ZBTB25: variants seen among roughly 807,000 people sequenced by gnomAD.
The protein encoded by ZBTB25 is zinc finger and BTB domain containing 25.
ZBTB25 carries 20 observed loss-of-function variants against 34.2 expected under a neutral mutation model. That is an observed-to-expected ratio of 0.58 (90% confidence interval 0.41 to 0.85). ZBTB25 has a LOEUF of 0.85. Among genes scored for constraint, ZBTB25 ranks in the 40% least tolerant of loss-of-function variants. The probability of loss-of-function intolerance (pLI) is 0.00; values close to 1 mark genes in which losing one functional copy is unlikely to be tolerated. For missense variants in ZBTB25, 437 were observed against 521.8 expected, an observed-to-expected ratio of 0.84 and a Z score of 1.58; for synonymous variants, 175 against 186.4, an observed-to-expected ratio of 0.94 and a Z score of 0.50.
chr14:64,490,208 CAAAAA>C (rs61367816), intron 2 of ZBTB25, among the ~76,000 whole-genome samples, 148 bp downstream of exon 2: 23 of 90,936 alleles, frequency 2.5e-4, no homozygotes, highest in East Asian at 1.6e-3. Context: ...ACTCTGTCGC[CAAAAA>C]AAAAAAAAAA....
intron 2 of ZBTB25, chr14:64,458,519 G>A (rs1183295218): frequency 3.5e-6 from 2 of 579,124 alleles, no homozygotes; most frequent in Non-Finnish European, 6.2e-6. Flanking sequence ...TGGAAGAAGC[G>A]CAGCATGGCT....
At chr14:64,488,467 C>G (rs2078960077) in intron 2 of ZBTB25, among the ~76,000 whole-genome samples, 1 of 152,066 alleles carries the variant, frequency 6.6e-6, no homozygotes, top group South Asian at 2.1e-4. Context: ...ACCTGTATGC[C>G]AATGTTCACT....
rs2079039570 is a variant in ZBTB25, at chr14:64,490,421, T to G, written c.113A>C (p.His38Pro). ...VAIGDVYFKA[H>P]RAVLAAFSNY... ...AGAAAAAGCAGCAAGCACTGCTCTG[T>G]GGGCTTTGAAGTAAACATCTCCAAT... Residue 38 changes from histidine to proline, a missense_variant, in exon 2 of 3, where the codon CAC (histidine) becomes CCC (proline). Physicochemically the swap from His to Pro is moderately conservative, Grantham distance 77 (BLOSUM62 -2). Coordinates refer to ENST00000608382, the MANE Select transcript of ZBTB25 (RefSeq NM_006977.5). 1 of 1,613,610 alleles carries G rather than the reference T, an allele frequency of 6.2e-7. No homozygotes were observed. The highest frequency in any genetic ancestry group is 1.3e-5 in the African/African-American group (1 of 74,896).
chr14:64,487,999 G>A lies in ZBTB25; in HGVS notation c.232C>T (p.His78Tyr), dbSNP rs2141023937. 1 of 1,614,074 alleles carries A rather than the reference G, an allele frequency of 6.2e-7. No homozygotes were observed. ...GGCCCTTTCCCCGTGTACATAATGT[G>A]CAACAAATAGCTGAATATGTCAGGT... ...IQPDIFSYLL[H>Y]IMYTGKGPKQ... The change falls in exon 3 of 3, where the codon CAC becomes TAC. Residue 78 changes from histidine to tyrosine, a missense_variant. Physicochemically the swap from His to Tyr is moderately conservative, Grantham distance 83 (BLOSUM62 2). Transcript: ENST00000608382.
intron 2 of ZBTB25, among the ~76,000 whole-genome samples, chr14:64,459,290 G>A (rs186803444): frequency 4.1e-4 from 62 of 152,308 alleles, no homozygotes; most frequent in African/African-American, 1.5e-3. Context: ...ATTAGCGAAG[G>A]GGCATTCTGA....
chr14:64,503,986 AG>A (rs2079589972), upstream of ZBTB25: 1 of 152,220 alleles, frequency 6.6e-6, no homozygotes, highest in East Asian at 1.9e-4. Context: ...GCGGAAGCAT[AG>A]GGACAAGCCT....
intron 1 of ZBTB25, among the ~76,000 whole-genome samples, chr14:64,501,699 T>G (rs1311743364): frequency 1.3e-5 from 2 of 152,166 alleles, no homozygotes; most frequent in African/African-American, 4.8e-5. Flanking sequence ...ATCACTTTGG[T>G]TCAGTGGTGG....
rs757366636 is a variant in ZBTB25, at chr14:64,487,723, A to C, written c.508T>G (p.Leu170Val). 4 of 1,613,856 alleles carry C rather than the reference A, an allele frequency of 2.5e-6. No individual in the cohort carries two copies. The highest frequency in any genetic ancestry group is 3.4e-6 in the Non-Finnish European group (4 of 1,179,910). Reference sequence around the variant, plus strand: ...TCATCCAGACCAATAGCAAGAGACAACTGCAACTGGGGGTGGTCACCCTGG... The same window carrying C: ...TCATCCAGACCAATAGCAAGAGACACCTGCAACTGGGGGTGGTCACCCTGG... The part of the protein sequence containing the change: ...AVQGDHPQLQ[L>V]SLAIGLDDGT... The change falls in exon 3 of 3, where the codon TTG (leucine) becomes GTG (valine). Residue 170 changes from leucine to valine, a missense_variant. Leu to Val is a conservative substitution (Grantham distance 32). Coordinates refer to ENST00000608382, the MANE Select transcript of ZBTB25 (RefSeq NM_006977.5).
rs549553882 is a variant in ZBTB25 at position 64,486,338 on chromosome 14, A to T, written c.*585T>A. ...GAGGTATACTCAATGTTAAAAAGTA[A>T]AGAGAAGCCATGTAGGTAAGATGTT... On this transcript the variant is annotated 3_prime_UTR_variant, in exon 3 of 3. Transcript: ENST00000608382. 16 of 985,332 alleles carry T rather than the reference A, an allele frequency of 1.6e-5. No homozygotes were observed. The South Asian group carries it at 7.5e-4, about 46-fold the overall frequency. The allele number at this position is 985,332 out of a possible 1,614,324, so 61.0% of individuals were successfully genotyped here. A position where few individuals can be genotyped will look rare whatever the true frequency, so the allele number is the denominator to read the frequency against.
At position 64,468,845 on chromosome 14, in the gene ZBTB25, A is replaced by G. The variant is rs573551118; in HGVS notation, c.174-19207T>C. 434 of 1,614,210 alleles carry G rather than the reference A, an allele frequency of 2.7e-4. 4 individuals are homozygous for G. In the South Asian group the frequency reaches 4.6e-3, roughly 17 times the overall value. ...CAAAATTATAGAAGACTCAGACTGC[A>G]GCATCAAAGTCCAGGAAGAAGCTGA... On this transcript the variant is annotated intron_variant, in intron 2 of 2. Transcript: ENST00000555220.
intron 2 of ZBTB25, chr14:64,458,561 T>G: frequency 3.9e-6 from 2 of 508,666 alleles, no homozygotes; most frequent in South Asian, 4.1e-5. Context: ...GGGAGAAAAC[T>G]GCTGTCCAAT....
intron 2 of ZBTB25, among the ~76,000 whole-genome samples, chr14:64,452,366 T>A (rs562131119): frequency 1.4e-4 from 21 of 152,366 alleles, no homozygotes; most frequent in African/African-American, 4.8e-4. Context: ...ATTGCCTAAT[T>A]TTTGTAATTT....
At chr14:64,476,240 G>A (rs540280842), downstream of ZBTB25, among the ~76,000 whole-genome samples, 3 of 152,208 alleles carry the variant, frequency 2.0e-5, no homozygotes, top group African/African-American at 7.2e-5. Flanking sequence ...AAATTACAAC[G>A]CAAAGGTTCC....
downstream of ZBTB25, among the ~76,000 whole-genome samples, chr14:64,475,499 T>A (rs2078711763): frequency 6.6e-6 from 1 of 152,032 alleles, no homozygotes; most frequent in Non-Finnish European, 1.5e-5. Flanking sequence ...TACACTACAC[T>A]TCACAAAAGT....
chr14:64,488,831 A>G (rs1194932189), intron 2 of ZBTB25, among the ~76,000 whole-genome samples: 1 of 152,238 alleles, frequency 6.6e-6, no homozygotes, highest in Non-Finnish European at 1.5e-5. Flanking sequence ...AGACAGTGGT[A>G]ATGGTTGTAC....
intron 1 of ZBTB25, chr14:64,503,290 A>G: frequency 9.1e-6 from 9 of 985,426 alleles, no homozygotes; most frequent in Non-Finnish European, 1.1e-5. Context: ...CCCGCTCGTA[A>G]GAGGGGTCGG....
At chr14:64,464,198 C>G (rs750863355) in intron 2 of ZBTB25, among the ~76,000 whole-genome samples, 5 of 149,218 alleles carry the variant, frequency 3.4e-5, no homozygotes, top group Non-Finnish European at 7.5e-5. Flanking sequence ...CACCACCATG[C>G]CCAGCTAATT....
intron 2 of ZBTB25, chr14:64,449,692 CTT>C (rs2078339605): frequency 6.5e-7 from 1 of 1,532,976 alleles, no homozygotes; most frequent in African/African-American, 1.4e-5. Context: ...TGTGTGGCTA[CTT>C]CTATTAGAGC....
Position 64,490,485 on chromosome 14 carries a change from G to A in ZBTB25, c.49C>T (p.Gln17Ter). The A allele has an allele frequency of 6.2e-7, 1 of 1,613,700 alleles. No homozygotes were observed. Among genetic ancestry groups the A allele is most frequent in the Non-Finnish European group, 8.5e-7 (1 of 1,179,756 alleles). The change falls in exon 2 of 3, where the codon CAG (glutamine) becomes TAG (stop). Residue 17 changes from glutamine (Q) to a stop codon, truncating the protein, a stop_gained. Transcript: ENST00000608382. LOFTEE classifies it high-confidence loss of function. Reference protein sequence around the residue: ...SLVLLQQLNMQREFGFLCDCT... With the variant: ...SLVLLQQLNM ...TCACACAGAAAACCAAATTCTCGCT[G>A]CATGTTCAGCTGCTGGAGAAGAACA...
Sources: gnomAD v4.1 joint callset for allele counts (sites outside exome capture counted in the v4.1 genomes callset) on GRCh38, gnomAD v4.1.1 for gene constraint, MANE v1.5 for transcripts, NCBI Gene and HGNC (gene_info 2026-07-23, HGNC 2026-07-21) for gene names.